The following PDE1C variants were observed in gnomAD, a reference collection of about 807,000 sequenced individuals.
PDE1C encodes dual specificity calcium/calmodulin-dependent 3',5'-cyclic nucleotide phosphodiesterase 1C.
In PDE1C, 62 loss-of-function variants were observed where a neutral mutation model predicts 93.1. The ratio of observed to expected loss-of-function variants is 0.67; its 90% CI spans 0.54 to 0.82. The LOEUF (loss-of-function observed/expected upper bound fraction) is 0.82. Ranked by LOEUF, PDE1C falls within the 40% of genes least tolerant of loss-of-function variation. PDE1C has a pLI of 0.00. For missense variants in PDE1C, 742 were observed against 884.6 expected (o/e 0.84, Z 2.04); for synonymous variants, 325 against 310.1 (o/e 1.05, Z -0.50).
At chr7:31,643,249 C>T in the PDE1C span, 2 of 1,613,810 alleles carry the variant, frequency 1.2e-6, no homozygotes, top group Non-Finnish European at 1.7e-6. Context: ...TGGATTCTGT[C>T]CTCACACCAA....
intron 2 of PDE1C, among the ~76,000 whole-genome samples, chr7:32,198,427 T>G (rs1804765017): frequency 1.3e-5 from 2 of 152,214 alleles, no homozygotes. Context: ...AATAAAAGCT[T>G]ATATCTCTGT....
chr7:31,640,168 T>A, the PDE1C span, among the ~76,000 whole-genome samples: 5 of 152,224 alleles, frequency 3.3e-5, no homozygotes, highest in African/African-American at 1.2e-4. Context: ...TTCTTACTCC[T>A]GAAGCAAGAC....
intron 16 of PDE1C, among the ~76,000 whole-genome samples, chr7:31,803,240 A>C (rs1786298262): frequency 6.6e-6 from 1 of 151,698 alleles, no homozygotes; most frequent in African/African-American, 2.4e-5. Context: ...TGTAGTTTTC[A>C]TATTTAGAAG....
intron 1 of PDE1C, among the ~76,000 whole-genome samples, chr7:32,070,021 C>T (rs1410273514): frequency 6.6e-6 from 1 of 152,266 alleles, no homozygotes; most frequent in East Asian, 1.9e-4. Context: ...GAGTATTGGG[C>T]CACCATAACT....
intron 2 of PDE1C, among the ~76,000 whole-genome samples, chr7:32,184,786 AAAGTAT>A (rs1562558379): frequency 1.3e-5 from 2 of 152,162 alleles, no homozygotes; most frequent in Non-Finnish European, 2.9e-5. Context: ...CCTAAAACTT[AAAGTAT>A]AATAAAAAAT....
intron 2 of PDE1C, among the ~76,000 whole-genome samples, chr7:31,972,184 G>A (rs1002500293): frequency 6.6e-6 from 1 of 152,146 alleles, no homozygotes; most frequent in Non-Finnish European, 1.5e-5. Flanking sequence ...ATACAACCAC[G>A]TATTATTAAA....
At chr7:32,123,232 C>T (rs542861599) in intron 3 of PDE1C, among the ~76,000 whole-genome samples, 3 of 152,134 alleles carry the variant, frequency 2.0e-5, no homozygotes, top group East Asian at 1.9e-4. Context: ...AGCCCACCAA[C>T]CAAAAAAAGC....
chr7:32,099,977 C>G (rs1797964629), intron 3 of PDE1C, among the ~76,000 whole-genome samples: 1 of 152,178 alleles, frequency 6.6e-6, no homozygotes, highest in South Asian at 2.1e-4. Flanking sequence ...GTTGTTGTAC[C>G]TTCTACATCC....
chr7:31,723,292 G>A, the PDE1C span, among the ~76,000 whole-genome samples: 4 of 152,116 alleles, frequency 2.6e-5, no homozygotes, highest in Non-Finnish European at 5.9e-5. Flanking sequence ...TCCTCCTCAG[G>A]TACCTTCCAC....
intron 9 of PDE1C, among the ~76,000 whole-genome samples, chr7:31,838,581 C>T (rs1191929213): frequency 6.6e-6 from 1 of 152,130 alleles, no homozygotes; most frequent in Non-Finnish European, 1.5e-5. Context: ...CTGTACAGTT[C>T]TACCAGTTTT....
At chr7:32,047,492 T>C (rs1183949241) in intron 2 of PDE1C, among the ~76,000 whole-genome samples, 2 of 152,170 alleles carry the variant, frequency 1.3e-5, no homozygotes, top group African/African-American at 4.8e-5. Context: ...GCTAACCCGA[T>C]AAAGAGGACT....
chr7:31,991,153 T>G (rs1213696991), intron 2 of PDE1C, among the ~76,000 whole-genome samples: 1 of 152,214 alleles, frequency 6.6e-6, no homozygotes, highest in African/African-American at 2.4e-5. Flanking sequence ...ATACTCAATT[T>G]GTAAGCCACT....
chr7:31,762,634 C>T (rs1794907020), intron 17 of PDE1C, among the ~76,000 whole-genome samples: 1 of 152,202 alleles, frequency 6.6e-6, no homozygotes, highest in African/African-American at 2.4e-5. Flanking sequence ...GCCACCAAGC[C>T]TGTCCCCATT....
chr7:32,409,492 A>G (rs1785122602), intron 1 of PDE1C, among the ~76,000 whole-genome samples: 1 of 152,242 alleles, frequency 6.6e-6, no homozygotes, highest in Non-Finnish European at 1.5e-5. Flanking sequence ...GAAGAGTATC[A>G]TTGCAAAAAG....
intron 1 of PDE1C, among the ~76,000 whole-genome samples, chr7:32,402,107 T>G (rs1012413119): frequency 1.3e-5 from 2 of 152,136 alleles, no homozygotes; most frequent in African/African-American, 4.8e-5. Flanking sequence ...TAAAAAAATA[T>G]GTAATTTGCC....
rs570992112 is a variant in PDE1C at position 32,315,871 on chromosome 7, T to C, written c.311-106332A>G. 3.3e-5 allele frequency among the ~76,000 whole-genome samples: 5 copies of C among 152,294 alleles called. 1 individual carries two copies. Among genetic ancestry groups the C allele is most frequent in the Admixed American group, 3.3e-4 (5 of 15,288 alleles). On this transcript the variant is annotated intron_variant, in intron 1 of 1. Coordinates refer to the PDE1C transcript ENST00000672256. The stretch of plus-strand genomic sequence containing the variant: ...TTAGCCGGGCATGGTGGTGCATATC[T>C]GTAATCCCAGGTGCTCGGGAGGCTA...
At chr7:31,914,846 G>A (rs1175937122) in intron 2 of PDE1C, among the ~76,000 whole-genome samples, 1 of 152,050 alleles carries the variant, frequency 6.6e-6, no homozygotes, top group Admixed American at 6.6e-5. Flanking sequence ...ATTATGAAGG[G>A]CATCATTACT....
chr7:32,143,473 C>T (rs1232605927), intron 3 of PDE1C, among the ~76,000 whole-genome samples: 4 of 151,996 alleles, frequency 2.6e-5, no homozygotes, highest in African/African-American at 7.2e-5. Context: ...CGTGACTTTA[C>T]GTGACTCAGA....
intron 1 of PDE1C, among the ~76,000 whole-genome samples, chr7:32,210,557 T>G (rs1219293349): frequency 1.3e-5 from 2 of 152,230 alleles, no homozygotes; most frequent in African/African-American, 4.8e-5. Flanking sequence ...AAAAATTTAT[T>G]CCACCCTCTC....
Sources: allele counts gnomAD v4.1 joint callset (sites outside exome capture counted in the v4.1 genomes callset), GRCh38; gene constraint gnomAD v4.1.1; transcripts MANE v1.5; gene names NCBI Gene and HGNC (gene_info 2026-07-23, HGNC 2026-07-21).